FOLH1: variants seen among roughly 807,000 people sequenced by gnomAD.
FOLH1 encodes folate hydrolase 1, also known as glutamate carboxypeptidase 2.
Under a neutral mutation model 93.9 loss-of-function variants are expected in FOLH1, and 54 were observed. The observed-to-expected ratio is 0.57, with a 90% CI of 0.46 to 0.72. FOLH1 has a LOEUF of 0.72. Ranked by LOEUF, FOLH1 falls within the 30% of genes least tolerant of loss-of-function variation. FOLH1 has a pLI of 0.00. For synonymous variants in FOLH1, 249 were observed against 303.6 expected, an observed-to-expected ratio of 0.82 and a Z score of 1.87; for missense variants, 571 against 892.5, an observed-to-expected ratio of 0.64 and a Z score of 4.59.
At chr11:49,188,913 T>G (rs1435526368) in intron 4 of FOLH1, among the ~76,000 whole-genome samples, 1 of 152,242 alleles carries the variant, frequency 6.6e-6, no homozygotes, top group Non-Finnish European at 1.5e-5. Context: ...GAAACTCAAT[T>G]GGGTTTACCT....
chr11:49,151,130 C>A (rs1351800296), intron 17 of FOLH1, among the ~76,000 whole-genome samples: 4 of 152,132 alleles, frequency 2.6e-5, no homozygotes, highest in Non-Finnish European at 5.9e-5. Context: ...TTCAACTGCA[C>A]CTTGCCGACA....
chr11:49,186,911 G>T (rs184047257), intron 4 of FOLH1, 142 bp from the exon 5 acceptor site: 1 of 742,108 alleles, frequency 1.3e-6, no homozygotes, highest in Non-Finnish European at 2.0e-6. Flanking sequence ...CCAAAGAAGA[G>T]ATTCAAGGGA....
intron 7 of FOLH1, among the ~76,000 whole-genome samples, chr11:49,181,727 C>T (rs1409520331): frequency 1.3e-5 from 2 of 152,012 alleles, no homozygotes; most frequent in African/African-American, 2.4e-5. Flanking sequence ...GTCTATGGTG[C>T]TATCAAAAGT....
In FOLH1 at chr11:49,146,568, T is replaced by C; in HGVS notation, c.*188A>G. 3.7e-6 allele frequency: 2 copies of C among 547,114 alleles called. No individual in the cohort carries two copies. The highest frequency in any genetic ancestry group is 5.8e-6 in the Non-Finnish European group (2 of 344,148). 33.9% of individuals were successfully genotyped at this position (547,114 alleles called of 1,614,324 possible). A position where few individuals can be genotyped will look rare whatever the true frequency, so the allele number is the denominator to read the frequency against. On this transcript the variant is annotated 3_prime_UTR_variant, in exon 19 of 19. Coordinates refer to ENST00000256999, the MANE Select transcript of FOLH1 (RefSeq NM_004476.3). ...AGAATAACCTCTTATAATTATGAAA[T>C]TCAGTTTTAATCCATAGGGAGAAGA...
chr11:49,205,488 C>A (rs1214875074), intron 2 of FOLH1, among the ~76,000 whole-genome samples: 6 of 152,050 alleles, frequency 3.9e-5, no homozygotes, highest in African/African-American at 1.4e-4. Flanking sequence ...GTTAAGTATT[C>A]ATCCAAAGTA....
intron 7 of FOLH1, among the ~76,000 whole-genome samples, chr11:49,181,510 T>G (rs1860734652): frequency 6.6e-6 from 1 of 152,148 alleles, no homozygotes; most frequent in Admixed American, 6.5e-5. Context: ...TCTATATTAT[T>G]AATTATTCTG....
At position 49,145,821 on chromosome 11, in the gene FOLH1, T is replaced by C. The variant is rs1183547027; in HGVS notation, c.*935A>G. 6.6e-6 allele frequency among the ~76,000 whole-genome samples: 1 copy of C among 152,194 alleles called. No individual in the cohort carries two copies. The highest frequency in any genetic ancestry group is 6.6e-5 in the Admixed American group (1 of 15,266). ...TTAACTTTCCCTATTCACATTACTG[T>C]ATGTTTTCTCTGTCTTGATGGACCC... On this transcript the variant is annotated 3_prime_UTR_variant, in exon 19 of 19. Transcript: ENST00000256999.
chr11:49,203,966 C>G (rs191619154), intron 2 of FOLH1, among the ~76,000 whole-genome samples: 13 of 152,294 alleles, frequency 8.5e-5, no homozygotes, highest in African/African-American at 2.9e-4. Context: ...TAACTGAATG[C>G]AGACTCCAGG....
At chr11:49,201,255 G>GATATATATATATATATATAT (rs35326986) in intron 2 of FOLH1, among the ~76,000 whole-genome samples, 86 of 139,830 alleles carry the variant, frequency 6.2e-4, no homozygotes, top group African/African-American at 2.1e-3. Flanking sequence ...AGCATGAAAA[G>GATATATATATATATATATAT]ATATATATAT....
intron 7 of FOLH1, among the ~76,000 whole-genome samples, chr11:49,182,328 CAAAAAAA>C (rs59966842): frequency 1.7e-5 from 1 of 59,978 alleles, no homozygotes; most frequent in Non-Finnish European, 2.8e-5. Flanking sequence ...GACACTGTCT[CAAAAAAA>C]AAAAAAAAAA....
chr11:49,169,609 TC>T (rs1858961625), intron 11 of FOLH1, among the ~76,000 whole-genome samples: 1 of 152,226 alleles, frequency 6.6e-6, no homozygotes, highest in South Asian at 2.1e-4. Flanking sequence ...GTGAAAATCT[TC>T]CTATAAACAT....
chr11:49,148,470 TATTAC>T (rs1856031641), intron 18 of FOLH1, among the ~76,000 whole-genome samples, 164 bp downstream of exon 18: 1 of 151,756 alleles, frequency 6.6e-6, no homozygotes, highest in Non-Finnish European at 1.5e-5. Flanking sequence ...GCAAAAATCA[TATTAC>T]ATTATATGAA....
At chr11:49,160,047 G>A (rs1406255493) in intron 13 of FOLH1, among the ~76,000 whole-genome samples, 1 of 151,766 alleles carries the variant, frequency 6.6e-6, no homozygotes, top group African/African-American at 2.4e-5. Context: ...CGAGCAGCTG[G>A]GATTACAGGC....
At chr11:49,178,438 A>G (rs1051192537) in intron 7 of FOLH1, among the ~76,000 whole-genome samples, 11 of 152,236 alleles carry the variant, frequency 7.2e-5, no homozygotes, top group Non-Finnish European at 1.0e-4. Flanking sequence ...TTAATAGTCC[A>G]TATTTCCATA....
intron 12 of FOLH1, among the ~76,000 whole-genome samples, chr11:49,168,609 A>C (rs1040346968): frequency 6.6e-6 from 1 of 152,090 alleles, no homozygotes. Flanking sequence ...TATATTATCT[A>C]TACTGAGTGC....
chr11:49,168,669 C>T (rs1167818736), intron 12 of FOLH1, among the ~76,000 whole-genome samples: 1 of 152,150 alleles, frequency 6.6e-6, no homozygotes, highest in African/African-American at 2.4e-5. Flanking sequence ...TGGGGTTTCA[C>T]CATGTTGGCC....
intron 17 of FOLH1, among the ~76,000 whole-genome samples, chr11:49,151,520 T>A (rs1239974726): frequency 1.3e-5 from 2 of 152,226 alleles, no homozygotes; most frequent in Non-Finnish European, 2.9e-5. Context: ...AAAAGCAGGA[T>A]AAAGTCATGT....
chr11:49,183,061 C>T (rs1860959089), intron 7 of FOLH1, 88 bp downstream of exon 7: 2 of 1,160,096 alleles, frequency 1.7e-6, no homozygotes, highest in Non-Finnish European at 2.5e-6. Flanking sequence ...AATTTAAGTA[C>T]TAAAAAATGG....
Position 49,175,959 on chromosome 11 carries a change from T to G in FOLH1, c.921-2A>C. On this transcript the variant is annotated splice_acceptor_variant, in intron 7 of 18. Transcript: ENST00000256999. LOFTEE classifies it high-confidence loss of function. ...GGTGGTGCTGAGCCACCCATTTTTC[T>G]ATTGGACACAAAAAAACATTATTAG... The G allele has an allele frequency of 6.2e-7, 1 of 1,611,492 alleles. No individual in the cohort carries two copies. Among genetic ancestry groups the G allele is most frequent in the Non-Finnish European group, 8.5e-7 (1 of 1,179,258 alleles).
Sources: gnomAD v4.1 joint callset for allele counts (sites outside exome capture counted in the v4.1 genomes callset) on GRCh38, gnomAD v4.1.1 for gene constraint, MANE v1.5 for transcripts, NCBI Gene and HGNC (gene_info 2026-07-23, HGNC 2026-07-21) for gene names.